The following AGFG1 variants were observed in gnomAD, a reference collection of about 807,000 sequenced individuals.
AGFG1 encodes the protein ArfGAP with FG repeats 1, also known as arf-GAP domain and FG repeat-containing protein 1.
AGFG1 carries 10 observed loss-of-function variants against 60.6 expected under a neutral mutation model. The observed-to-expected ratio is 0.16, with a 90% confidence interval of 0.10 to 0.28. AGFG1 has a LOEUF of 0.28. Ranked by LOEUF, AGFG1 falls within the 10% of genes least tolerant of loss-of-function variation. AGFG1 has a pLI of 1.00. For missense variants in AGFG1, 537 were observed against 676.5 expected, an observed-to-expected ratio of 0.79 and a Z score of 2.29; for synonymous variants, 247 against 242.9, an observed-to-expected ratio of 1.02 and a Z score of -0.16.
chr2:227,474,406 A>G (rs1300094812), intron 1 of AGFG1, among the ~76,000 whole-genome samples: 1 of 152,244 alleles, frequency 6.6e-6, no homozygotes, highest in Non-Finnish European at 1.5e-5. Context: ...GCAAATGTGT[A>G]ATATCAAGGA....
chr2:227,522,523 C>T (rs1469217447), intron 3 of AGFG1, among the ~76,000 whole-genome samples: 3 of 152,164 alleles, frequency 2.0e-5, no homozygotes, highest in Non-Finnish European at 4.4e-5. Flanking sequence ...GTTCTCAGTG[C>T]TTTACAAATG....
At position 227,557,775 on chromosome 2, in the gene AGFG1, T is replaced by G. The variant is rs1693017452; in HGVS notation, c.*3280T>G. 1 of 152,204 alleles carries G rather than the reference T, an allele frequency of 6.6e-6. No homozygotes were observed. Among genetic ancestry groups the G allele is most frequent in the Admixed American group, 6.5e-5 (1 of 15,280 alleles). 9.4% of individuals were successfully genotyped at this position (152,204 alleles called of 1,614,324 possible). ...TTCATGCTGCTTTTGCATTCCAACTTAAAAATTACACAGCATACACACGCT... is the reference window on the plus strand; with the variant it reads ...TTCATGCTGCTTTTGCATTCCAACTGAAAAATTACACAGCATACACACGCT... On this transcript the variant is annotated 3_prime_UTR_variant, in exon 13 of 13. Coordinates refer to ENST00000310078, the MANE Select transcript of AGFG1 (RefSeq NM_004504.5).
intron 1 of AGFG1, among the ~76,000 whole-genome samples, chr2:227,489,726 C>G (rs6742120): frequency 0.064 from 9,751 of 152,084 alleles, 421 homozygotes; most frequent in Admixed American, 0.097. Flanking sequence ...AGATCATGAT[C>G]TGAAAGATGA....
chr2:227,543,616 A>T (rs1435361661), intron 10 of AGFG1, among the ~76,000 whole-genome samples: 1 of 152,202 alleles, frequency 6.6e-6, no homozygotes, highest in African/African-American at 2.4e-5. Context: ...TGGTGCTAAG[A>T]GGAATGTATA....
intron 1 of AGFG1, among the ~76,000 whole-genome samples, chr2:227,476,004 AAATAAAT>A (rs1354959322): frequency 6.6e-6 from 1 of 152,196 alleles, no homozygotes; most frequent in Non-Finnish European, 1.5e-5. Context: ...CCTTTTTTTA[AAATAAAT>A]TGAACTAGCA....
intron 10 of AGFG1, among the ~76,000 whole-genome samples, chr2:227,540,301 G>A (rs1174271284): frequency 2.0e-5 from 3 of 150,616 alleles, no homozygotes; most frequent in Admixed American, 6.6e-5. Flanking sequence ...CCATTAACTC[G>A]TCATTTACAT....
intron 5 of AGFG1, among the ~76,000 whole-genome samples, chr2:227,530,462 T>C (rs1372157096): frequency 6.6e-6 from 1 of 152,204 alleles, no homozygotes; most frequent in Non-Finnish European, 1.5e-5. Context: ...CTCTGAATTA[T>C]ATGCTATAAT....
At position 227,557,858 on chromosome 2, in the gene AGFG1, G is replaced by C. The variant is rs1232368376; in HGVS notation, c.*3363G>C. ...AGAATGAAAACTATGTAATATCTCAGTAGTACAATGAAAATAGTTTGACTT... is the reference window on the plus strand; with the variant it reads ...AGAATGAAAACTATGTAATATCTCACTAGTACAATGAAAATAGTTTGACTT... On this transcript the variant is annotated 3_prime_UTR_variant, in exon 13 of 13. Coordinates refer to ENST00000310078, the MANE Select transcript of AGFG1 (RefSeq NM_004504.5). 1 of 152,216 alleles carries C rather than the reference G, an allele frequency of 6.6e-6. No homozygotes were observed. Among genetic ancestry groups the C allele is most frequent in the Non-Finnish European group, 1.5e-5 (1 of 68,040 alleles). The allele number at this position is 152,216 out of a possible 1,614,324, so 9.4% of individuals were successfully genotyped here.
Position 227,536,976 on chromosome 2 carries a change from A to G in AGFG1, c.1361A>G (p.Asn454Ser), listed in dbSNP as rs754800438. 3 of 1,612,566 alleles carry G rather than the reference A, an allele frequency of 1.9e-6. No homozygotes were observed. Among genetic ancestry groups the G allele is most frequent in the African/African-American group, 1.3e-5 (1 of 74,866 alleles). Residue 454 changes from asparagine to serine, a missense_variant, in exon 10 of 13, where the codon AAT becomes AGT. By Grantham distance (46) the Asn-to-Ser change is conservative. This residue lies in a region of AGFG1 where 287 missense variants were observed against 343.6 expected (regional missense o/e 0.84). Transcript: ENST00000310078. Reference protein sequence around the residue: ...VASSTNPFQTNARGATAATFG... With the variant: ...VASSTNPFQTSARGATAATFG... ...TCTTCTACAAACCCATTTCAGACCAATGCCAGAGGAGCAACAGGTAAGAAA... is the reference window on the plus strand; with the variant it reads ...TCTTCTACAAACCCATTTCAGACCAGTGCCAGAGGAGCAACAGGTAAGAAA...
At chr2:227,537,616 C>T (rs1228491778) in intron 10 of AGFG1, among the ~76,000 whole-genome samples, 1 of 152,166 alleles carries the variant, frequency 6.6e-6, no homozygotes, top group South Asian at 2.1e-4. Context: ...AAGCCATTCA[C>T]ATCTTTCTCA....
intron 2 of AGFG1, among the ~76,000 whole-genome samples, chr2:227,514,484 G>C (rs531781340): frequency 1.3e-5 from 2 of 152,280 alleles, no homozygotes; most frequent in Non-Finnish European, 2.9e-5. Flanking sequence ...GTGAGCCACT[G>C]CACCTGGCCA....
chr2:227,482,601 C>A (rs1690501998), intron 1 of AGFG1, among the ~76,000 whole-genome samples: 1 of 152,172 alleles, frequency 6.6e-6, no homozygotes, highest in South Asian at 2.1e-4. Flanking sequence ...ACTACATAAA[C>A]TTCCACAGGT....
At chr2:227,526,101 A>G (rs1347109303) in intron 5 of AGFG1, among the ~76,000 whole-genome samples, 1 of 152,140 alleles carries the variant, frequency 6.6e-6, no homozygotes, top group Non-Finnish European at 1.5e-5. Context: ...CATTTGCTAC[A>G]TCTCAGTTTG....
intron 2 of AGFG1, chr2:227,508,346 A>G: frequency 4.1e-6 from 1 of 245,152 alleles, no homozygotes; most frequent in Non-Finnish European, 8.2e-6. Flanking sequence ...ATATCCTTAA[A>G]CCATAGATAA....
At position 227,556,961 on chromosome 2, in the gene AGFG1, C is replaced by G. The variant is rs943071438; in HGVS notation, c.*2466C>G. The G allele has an allele frequency of 1.3e-5, 2 of 152,076 alleles. No homozygotes were observed. The highest frequency in any genetic ancestry group is 1.3e-4 in the Admixed American group (2 of 15,266). The allele number at this position is 152,076 out of a possible 1,614,324, so 9.4% of individuals were successfully genotyped here. On this transcript the variant is annotated 3_prime_UTR_variant, in exon 13 of 13. Coordinates refer to ENST00000310078, the MANE Select transcript of AGFG1 (RefSeq NM_004504.5). Reference sequence around the variant, plus strand: ...AAAATGAAAAAAAGAAGAGAGGTAGCTTTAAAGTGGTTTTTCTCATGATAT... The same window carrying G: ...AAAATGAAAAAAAGAAGAGAGGTAGGTTTAAAGTGGTTTTTCTCATGATAT...
At position 227,523,896 on chromosome 2, in the gene AGFG1, C is replaced by T. The variant is rs781247257; in HGVS notation, c.511C>T (p.Leu171=). ...KSLLGDSAPT[L]HLNKGTPSQS... is the part of the protein sequence containing the mutation. ...TCTTTTAGGGGATTCTGCACCAACACTGCACTTAAATAAGGGCACACCTAG... is the reference window on the plus strand; with the variant it reads ...TCTTTTAGGGGATTCTGCACCAACATTGCACTTAAATAAGGGCACACCTAG... Residue 171 remains leucine, a synonymous_variant, in exon 4 of 13, where the codon CTG becomes TTG. Coordinates refer to ENST00000310078, the MANE Select transcript of AGFG1 (RefSeq NM_004504.5). 6 of 1,613,706 alleles carry T rather than the reference C, an allele frequency of 3.7e-6. No homozygotes were observed. The Admixed American group carries it at 1.0e-4, about 27-fold the overall frequency.
At chr2:227,538,312 A>G (rs1400067518) in intron 10 of AGFG1, among the ~76,000 whole-genome samples, 1 of 152,226 alleles carries the variant, frequency 6.6e-6, no homozygotes, top group Non-Finnish European at 1.5e-5. Flanking sequence ...GAGTACAGCC[A>G]GCCAAACTTG....
chr2:227,496,398 C>T (rs569211934), intron 2 of AGFG1, among the ~76,000 whole-genome samples: 8 of 149,936 alleles, frequency 5.3e-5, no homozygotes, highest in South Asian at 2.1e-4. Flanking sequence ...GCCGAGATTG[C>T]GCCACTGCAC....
intron 2 of AGFG1, among the ~76,000 whole-genome samples, chr2:227,496,350 G>T (rs538625511): frequency 6.6e-6 from 1 of 151,814 alleles, no homozygotes; most frequent in East Asian, 1.9e-4. Flanking sequence ...CCTACTGTGG[G>T]AGAATGGCGT....
Sources: allele counts gnomAD v4.1 joint callset (sites outside exome capture counted in the v4.1 genomes callset), GRCh38; gene constraint gnomAD v4.1.1; regional missense constraint gnomAD v4.1.1; transcripts MANE v1.5; gene names NCBI Gene and HGNC (gene_info 2026-07-23, HGNC 2026-07-21).